Variants in TMEM218 observed in about 807,000 individuals in gnomAD.
The protein encoded by TMEM218 is transmembrane protein 218.
TMEM218 carries 8 observed loss-of-function variants against 10.0 expected under a neutral mutation model. That is an observed-to-expected ratio of 0.80 (90% confidence interval 0.47 to 1.44). The LOEUF is 1.44. Ranked by LOEUF, TMEM218 falls within the 40% of genes most tolerant of loss-of-function variation. The pLI, the probability that TMEM218 is intolerant of heterozygous loss-of-function variation, is 0.00. For synonymous variants in TMEM218, 66 were observed against 63.5 expected (o/e 1.04, Z -0.18); for missense variants, 110 against 140.1 (o/e 0.79, Z 1.08).
intron 1 of TMEM218, among the ~76,000 whole-genome samples, chr11:125,106,361 C>T (rs947269867): frequency 9.9e-5 from 15 of 151,826 alleles, no homozygotes; most frequent in Admixed American, 9.8e-4. Context: ...ACAAAAGGAA[C>T]CATTCAGTAA....
intron 3 of TMEM218, 184 bp from the exon 4 acceptor site, chr11:125,101,487 G>A (rs1436965263): frequency 6.5e-7 from 1 of 1,527,598 alleles, no homozygotes; most frequent in South Asian, 1.2e-5. Context: ...TACCAGCTGG[G>A]TGCATTCCCA....
chr11:125,105,354 A>G (rs546844006), intron 1 of TMEM218, among the ~76,000 whole-genome samples: 8 of 152,214 alleles, frequency 5.3e-5, no homozygotes, highest in Non-Finnish European at 1.0e-4. Context: ...CTCCCTCAAG[A>G]GTAAGTGTAA....
chr11:125,101,232 C>T lies in TMEM218; in HGVS notation c.182G>A (p.Gly61Asp). ...TSVLLLFPRAGEFPAPEVEVK... is the reference protein window; with the variant it reads ...TSVLLLFPRADEFPAPEVEVK... The stretch of plus-strand genomic sequence containing the variant: ...TTCCACTTCTGGGGCTGGGAATTCA[C>T]CAGCTCGCGGGAAAAGCAACAGAAC... Residue 61 changes from glycine to aspartate, a missense_variant, in exon 4 of 5, where the codon GGT becomes GAT. Gly to Asp is a moderately conservative substitution (Grantham distance 94). Coordinates refer to ENST00000682305, the MANE Select transcript of TMEM218 (RefSeq NM_001258244.2). The T allele has an allele frequency of 6.2e-7, 1 of 1,613,666 alleles. No individual in the cohort carries two copies. The highest frequency in any genetic ancestry group is 8.5e-7 in the Non-Finnish European group (1 of 1,179,810).
At position 125,095,854 on chromosome 11, in the gene TMEM218, A is replaced by G. The variant is rs1373665650; in HGVS notation, c.*1752T>C. Among the ~76,000 whole-genome samples, 1 of 152,196 alleles carries G rather than the reference A, an allele frequency of 6.6e-6. No homozygotes were observed. The highest frequency in any genetic ancestry group is 1.5e-5 in the Non-Finnish European group (1 of 68,030). ...GAATAAAAAAGATGGATTCATGGTC[A>G]GGAACCTATAAGAGTTTTCCCAGAG... On this transcript the variant is annotated 3_prime_UTR_variant, in exon 5 of 5. Transcript: ENST00000682305.
rs117018597 is a variant in TMEM218, at chr11:125,105,262, T to G, written c.-152-2453A>C. ...GATATGGGAATCCCAAATAGAAAGA[T>G]TAACATGAAAACTAGACTAAAAGTG... On this transcript the variant is annotated intron_variant, in intron 1 of 4. Coordinates refer to ENST00000682305, the MANE Select transcript of TMEM218 (RefSeq NM_001258244.2). Among the ~76,000 whole-genome samples, 14 of 152,176 alleles carry G rather than the reference T, an allele frequency of 9.2e-5. No homozygotes were observed. The East Asian group carries it at 2.3e-3, about 25-fold the overall frequency.
rs918606221 is a variant in TMEM218 at position 125,094,532 on chromosome 11, G to C, written c.*3074C>G. On this transcript the variant is annotated 3_prime_UTR_variant, in exon 5 of 5. Transcript: ENST00000682305. ...GTCAAAAGTGATCTTTCAACTATTTGAGAAATGAGATGTCAGGAATCCTGA... is the reference window on the plus strand; with the variant it reads ...GTCAAAAGTGATCTTTCAACTATTTCAGAAATGAGATGTCAGGAATCCTGA... 6.6e-6 allele frequency among the ~76,000 whole-genome samples: 1 copy of C among 152,196 alleles called. No homozygotes were observed. The highest frequency in any genetic ancestry group is 2.4e-5 in the African/African-American group (1 of 41,446).
chr11:125,106,523 T>C (rs1952199321), intron 1 of TMEM218, among the ~76,000 whole-genome samples: 2 of 152,024 alleles, frequency 1.3e-5, no homozygotes, highest in Non-Finnish European at 2.9e-5. Flanking sequence ...ATCAAGCAGA[T>C]AAAAAAAGAA....
intron 3 of TMEM218, chr11:125,101,535 T>G: frequency 6.7e-7 from 1 of 1,485,000 alleles, no homozygotes. Flanking sequence ...AGAATGGAAA[T>G]GTGTAGTTTT....
rs755446694 is a variant in TMEM218 at position 125,102,143 on chromosome 11, G to A, written c.99C>T (p.Ser33=). The A allele has an allele frequency of 2.9e-5, 46 of 1,565,664 alleles. No individual in the cohort carries two copies. The Admixed American group carries it at 4.1e-4, about 14-fold the overall frequency. Residue 33 remains serine, a synonymous_variant, in exon 3 of 5, where the codon TCC becomes TCT. Coordinates refer to ENST00000682305, the MANE Select transcript of TMEM218 (RefSeq NM_001258244.2). ...ACAGAATGCCTTACCTCGCCGCCCCGGAGGCTCTGGACAGCAGCACACACA... is the reference window on the plus strand; with the variant it reads ...ACAGAATGCCTTACCTCGCCGCCCCAGAGGCTCTGGACAGCAGCACACACA... ...LLLCVLLSRA[S]GAARFSVIFL...
At chr11:125,110,664 T>C (rs1393631426) in intron 1 of TMEM218, 2 of 152,190 alleles carry the variant, frequency 1.3e-5, no homozygotes, top group Non-Finnish European at 2.9e-5. Context: ...AAATGTGGAT[T>C]CCTCAGAGGG....
rs1017665138 is a variant in TMEM218, at chr11:125,096,910, A to G, written c.*696T>C. The stretch of plus-strand genomic sequence containing the variant: ...ACCACATCATGGAAGAAAAAAACCT[A>G]CAGATACATGGCAAGACAAAAAACA... On this transcript the variant is annotated 3_prime_UTR_variant, in exon 5 of 5. Coordinates refer to ENST00000682305, the MANE Select transcript of TMEM218 (RefSeq NM_001258244.2). The G allele has an allele frequency of 6.6e-6, 1 of 152,242 alleles. No individual in the cohort carries two copies. The highest frequency in any genetic ancestry group is 1.5e-5 in the Non-Finnish European group (1 of 68,046). 9.4% of individuals were successfully genotyped at this position (152,242 alleles called of 1,614,324 possible).
Position 125,101,278 on chromosome 11 carries a change from C to T in TMEM218, c.136G>A (p.Gly46Ser), listed in dbSNP as rs376065497. 83 of 1,611,460 alleles carry T rather than the reference C, an allele frequency of 5.2e-5. No homozygotes were observed. Among genetic ancestry groups the T allele is most frequent in the African/African-American group, 1.5e-4 (11 of 74,776 alleles). The change falls in exon 4 of 5, where the codon GGT becomes AGT. Residue 46 changes from glycine to serine, a missense_variant. Coordinates refer to ENST00000682305, the MANE Select transcript of TMEM218 (RefSeq NM_001258244.2). The stretch of plus-strand genomic sequence containing the variant: ...AGAACTGATGTGATGATCACAGCAC[C>T]GAAGAATAAAAAAATGACAGAGAAC... ...ARFSVIFLFF[G>S]AVIITSVLLL...
Position 125,095,158 on chromosome 11 carries a change from C to T in TMEM218, c.*2448G>A, listed in dbSNP as rs115192561. On this transcript the variant is annotated 3_prime_UTR_variant, in exon 5 of 5. Coordinates refer to ENST00000682305, the MANE Select transcript of TMEM218 (RefSeq NM_001258244.2). The stretch of plus-strand genomic sequence containing the variant: ...CTTTTGTCAGGATACAATTTTAAGA[C>T]GCCACGAAATAACCTATTTTCTTAT... 0.029 allele frequency among the ~76,000 whole-genome samples: 4,371 copies of T among 152,262 alleles called. 197 individuals are homozygous for T. Among genetic ancestry groups the T allele is most frequent in the African/African-American group, 0.098 (4,049 of 41,520 alleles).
At chr11:125,109,932 C>G (rs1953344329) in intron 1 of TMEM218, among the ~76,000 whole-genome samples, 1 of 152,104 alleles carries the variant, frequency 6.6e-6, no homozygotes, top group Admixed American at 6.5e-5. Context: ...CTTAAGAGTT[C>G]GTGAGACATT....
chr11:125,099,680 T>C (rs1471791692), intron 4 of TMEM218, among the ~76,000 whole-genome samples: 2 of 152,070 alleles, frequency 1.3e-5, no homozygotes, highest in Admixed American at 6.5e-5. Context: ...TCCCAGCACT[T>C]TGGGAGGCTG....
At chr11:125,101,822 C>T in intron 3 of TMEM218, 5 of 483,096 alleles carry the variant, frequency 1.0e-5, no homozygotes, top group Non-Finnish European at 1.8e-5. Context: ...GGGTACTGGA[C>T]CAAGCCTCTG....
In TMEM218 at chr11:125,096,003, T is replaced by C. The variant is rs1234105795; in HGVS notation, c.*1603A>G. Among the ~76,000 whole-genome samples, 1 of 152,196 alleles carries C rather than the reference T, an allele frequency of 6.6e-6. No individual in the cohort carries two copies. The highest frequency in any genetic ancestry group is 1.5e-5 in the Non-Finnish European group (1 of 68,020). On this transcript the variant is annotated 3_prime_UTR_variant, in exon 5 of 5. Coordinates refer to ENST00000682305, the MANE Select transcript of TMEM218 (RefSeq NM_001258244.2). Reference sequence around the variant, plus strand: ...GCATGAGGCCCCCAGCTTGTCTCAATTCCCTCAAGACTTATGCATTCTTTT... The same window carrying C: ...GCATGAGGCCCCCAGCTTGTCTCAACTCCCTCAAGACTTATGCATTCTTTT...
intron 1 of TMEM218, chr11:125,103,925 A>G (rs1190411535): frequency 2.6e-5 from 4 of 151,868 alleles, no homozygotes; most frequent in Non-Finnish European, 5.9e-5. Context: ...TAAAAAAAAT[A>G]CGTTTATTGA....
intron 4 of TMEM218, among the ~76,000 whole-genome samples, chr11:125,099,265 G>C (rs1289618551): frequency 4.6e-5 from 7 of 152,126 alleles, no homozygotes; most frequent in Non-Finnish European, 1.0e-4. Context: ...TTTGACCTTG[G>C]CTCCGGTACT....
Sources: allele counts gnomAD v4.1 joint callset (sites outside exome capture counted in the v4.1 genomes callset), GRCh38; gene constraint gnomAD v4.1.1; transcripts MANE v1.5; gene names NCBI Gene and HGNC (gene_info 2026-07-23, HGNC 2026-07-21).